NUP35: variants seen among roughly 807,000 people sequenced by gnomAD.
NUP35 encodes the protein nucleoporin 35, also known as nucleoporin NUP35.
Under a neutral mutation model 41.5 loss-of-function variants are expected in NUP35, and 25 were observed. The observed-to-expected ratio is 0.60, with a 90% CI of 0.44 to 0.84. NUP35 has a LOEUF of 0.84. Ranked by LOEUF, NUP35 falls within the 40% of genes least tolerant of loss-of-function variation. NUP35 has a pLI of 0.00. For missense variants in NUP35, 396 were observed against 396.6 expected, an observed-to-expected ratio of 1.00 and a Z score of 0.01; for synonymous variants, 149 against 130.7, an observed-to-expected ratio of 1.14 and a Z score of -0.96.
intron 3 of NUP35, chr2:183,131,024 C>A: frequency 1.5e-6 from 1 of 680,746 alleles, no homozygotes; most frequent in Non-Finnish European, 2.3e-6. Context: ...ATCAGTTGCC[C>A]AGGCTAGAGT....
Position 183,158,426 on chromosome 2 carries a change from A to T in NUP35, c.738+15A>T. ...GTATTGACAAAGTAAGTTATTGGTG[A>T]TGTAGGCAAAGTAGCTTAATCTATA... On this transcript the variant is annotated intron_variant, in intron 7 of 8. Coordinates refer to ENST00000295119, the MANE Select transcript of NUP35 (RefSeq NM_138285.5). The T allele has an allele frequency of 1.3e-6, 2 of 1,579,958 alleles. No homozygotes were observed. Among genetic ancestry groups the T allele is most frequent in the Non-Finnish European group, 1.7e-6 (2 of 1,160,648 alleles).
chr2:183,121,358 G>T (rs975725295), upstream of NUP35, among the ~76,000 whole-genome samples: 7 of 152,130 alleles, frequency 4.6e-5, no homozygotes, highest in African/African-American at 1.7e-4. Context: ...TTGAAAAAAT[G>T]AAATGAGAGA....
At chr2:183,122,617 G>C (rs749515089), upstream of NUP35, among the ~76,000 whole-genome samples, 6 of 152,076 alleles carry the variant, frequency 3.9e-5, no homozygotes, top group Non-Finnish European at 8.8e-5. Context: ...TGTTTGGCTA[G>C]ATCATAATTT....
upstream of NUP35, among the ~76,000 whole-genome samples, chr2:183,121,658 C>A (rs1559138892): frequency 6.6e-6 from 1 of 151,688 alleles, no homozygotes; most frequent in Non-Finnish European, 1.5e-5. Context: ...ATGGTAAAAC[C>A]CTGTCTGTAC....
At chr2:183,159,014 A>T (rs72896508) in intron 7 of NUP35, among the ~76,000 whole-genome samples, 4,330 of 152,220 alleles carry the variant, frequency 0.028, 89 homozygotes, top group Non-Finnish European at 0.043. Context: ...GCTAGTATAC[A>T]CACATTAATG....
chr2:183,126,134 C>G (rs576731740), intron 1 of NUP35, among the ~76,000 whole-genome samples: 1 of 152,164 alleles, frequency 6.6e-6, no homozygotes, highest in Non-Finnish European at 1.5e-5. Context: ...CCTCCGGGCT[C>G]AAGCAATCCT....
upstream of NUP35, among the ~76,000 whole-genome samples, chr2:183,121,915 T>TTTATTATTATTATTATTATTA (rs71008266): frequency 0.12 from 18,118 of 145,194 alleles, 1,586 homozygotes; most frequent in East Asian, 0.32. Flanking sequence ...GGCCATTCTT[T>TTTATTATTATTATTATTATTA]TTATTATTAT....
intron 4 of NUP35, among the ~76,000 whole-genome samples, chr2:183,137,842 G>A (rs892863863): frequency 6.6e-6 from 1 of 151,120 alleles, no homozygotes; most frequent in Non-Finnish European, 1.5e-5. Context: ...ACATTTTAGT[G>A]GCTCTCTTAG....
At chr2:183,121,195 T>G (rs145796933), upstream of NUP35, among the ~76,000 whole-genome samples, 272 of 152,280 alleles carry the variant, frequency 1.8e-3, 3 homozygotes, top group Non-Finnish European at 1.8e-3. Flanking sequence ...GCAGGTCTAA[T>G]TTGGCAATTA....
chr2:183,126,376 T>C (rs1684487407), intron 1 of NUP35, among the ~76,000 whole-genome samples: 1 of 152,222 alleles, frequency 6.6e-6, no homozygotes, highest in African/African-American at 2.4e-5. Flanking sequence ...ATTCTTACTT[T>C]ATTTTGCTAT....
upstream of NUP35, among the ~76,000 whole-genome samples, chr2:183,119,450 G>C (rs1325842606): frequency 6.6e-6 from 1 of 152,112 alleles, no homozygotes; most frequent in African/African-American, 2.4e-5. Flanking sequence ...ATCAGAGTTG[G>C]CATGGCTGGG....
At position 183,149,823 on chromosome 2, in the gene NUP35, A is replaced by G. The variant is rs371787874; in HGVS notation, c.398-1685A>G. 3.3e-5 allele frequency among the ~76,000 whole-genome samples: 5 copies of G among 152,318 alleles called. No individual in the cohort carries two copies. The East Asian group carries it at 7.7e-4, about 24-fold the overall frequency. On this transcript the variant is annotated intron_variant, in intron 4 of 8. Transcript: ENST00000295119. ...GTTTCCTAATTTGTTAAATGGACTA[A>G]TTGGACCTTTTGTAGGATTGTTAGA...
At chr2:183,139,558 G>A (rs1236110364) in intron 4 of NUP35, among the ~76,000 whole-genome samples, 2 of 152,204 alleles carry the variant, frequency 1.3e-5, no homozygotes, top group Non-Finnish European at 2.9e-5. Flanking sequence ...AGTTAAGGAG[G>A]GAAGGGGACA....
chr2:183,156,324 T>C (rs1685664095), intron 5 of NUP35, among the ~76,000 whole-genome samples: 1 of 152,170 alleles, frequency 6.6e-6, no homozygotes, highest in Non-Finnish European at 1.5e-5. Flanking sequence ...AATATTTTAC[T>C]CATATAGATT....
intron 8 of NUP35, 71 bp from the exon 9 acceptor site, chr2:183,160,983 A>G: frequency 9.1e-7 from 1 of 1,101,596 alleles, no homozygotes; most frequent in South Asian, 1.4e-5. Flanking sequence ...TTAAATGAGC[A>G]ATTCTAGAAT....
At chr2:183,141,055 C>G (rs1382135525) in intron 4 of NUP35, among the ~76,000 whole-genome samples, 2 of 151,850 alleles carry the variant, frequency 1.3e-5, no homozygotes, top group Non-Finnish European at 2.9e-5. Context: ...GTCAGTTTCA[C>G]TGGGCTAAAG....
At chr2:183,122,538 T>C (rs1285535965), upstream of NUP35, among the ~76,000 whole-genome samples, 1 of 152,364 alleles carries the variant, frequency 6.6e-6, no homozygotes, top group East Asian at 1.9e-4. Flanking sequence ...CACAGAGGTC[T>C]TTCTAGGTTA....
In NUP35 at chr2:183,133,635, TTTC is replaced by T; in HGVS notation, c.397+15_397+17del. The T allele has an allele frequency of 1.3e-6, 2 of 1,518,736 alleles. No homozygotes were observed. The highest frequency in any genetic ancestry group is 2.2e-5 in the Admixed American group (1 of 45,650). The allele number at this position is 1,518,736 out of a possible 1,614,324, so 94.1% of individuals were successfully genotyped here. A position where few individuals can be genotyped will look rare whatever the true frequency, so the allele number is the denominator to read the frequency against. On this transcript the variant is annotated intron_variant, in intron 4 of 8. Transcript: ENST00000295119. ...TACTCCTGGAACAGGTAAGTGATTCTTTCTTTTTTTTTTTTTTTTTAAAAGACA... is the reference window on the plus strand; with the variant it reads ...TACTCCTGGAACAGGTAAGTGATTCTTTTTTTTTTTTTTTTTTAAAAGACA...
At position 183,152,482 on chromosome 2, in the gene NUP35, T is replaced by C. The variant is rs563187527; in HGVS notation, c.539+833T>C. ...CCCAAAGTCCATTGCATCATTCTTA[T>C]GCTTTTGCATCATCATAGCTTAGCT... On this transcript the variant is annotated intron_variant, in intron 5 of 8. Coordinates refer to ENST00000295119, the MANE Select transcript of NUP35 (RefSeq NM_138285.5). Among the ~76,000 whole-genome samples, 11 of 152,312 alleles carry C rather than the reference T, an allele frequency of 7.2e-5. No individual in the cohort carries two copies. In the South Asian group the frequency reaches 2.1e-3, roughly 29 times the overall value.
Sources: allele counts gnomAD v4.1 joint callset (sites outside exome capture counted in the v4.1 genomes callset), GRCh38; gene constraint gnomAD v4.1.1; transcripts MANE v1.5; gene names NCBI Gene and HGNC (gene_info 2026-07-23, HGNC 2026-07-21).